CABIN1: variants seen among roughly 807,000 people sequenced by gnomAD.
CABIN1 encodes calcineurin-binding protein cabin-1.
In CABIN1, 133 loss-of-function variants were observed where a neutral mutation model predicts 227.7. The observed-to-expected ratio is 0.58, with a 90% CI of 0.51 to 0.67. The LOEUF (loss-of-function observed/expected upper bound fraction) is 0.67. CABIN1 is among the 30% of genes least tolerant of loss of function. The probability of loss-of-function intolerance (pLI) is 0.00; values close to 1 mark genes in which losing one functional copy is unlikely to be tolerated. For missense variants in CABIN1, 2,408 were observed against 2,852.5 expected (o/e 0.84, Z 3.55); for synonymous variants, 1,086 against 1,155.1 (o/e 0.94, Z 1.21).
intron 12 of CABIN1, among the ~76,000 whole-genome samples, chr22:24,060,879 G>A (rs1453750484): frequency 1.3e-5 from 2 of 152,024 alleles, no homozygotes; most frequent in Non-Finnish European, 2.9e-5. Flanking sequence ...CAGCCTAGGC[G>A]ACAAGGCGAG....
At chr22:24,068,859 T>C (rs907839619) in intron 16 of CABIN1, among the ~76,000 whole-genome samples, 1 of 152,202 alleles carries the variant, frequency 6.6e-6, no homozygotes, top group Non-Finnish European at 1.5e-5. Flanking sequence ...AGTGGAGAAA[T>C]ATTCATCCAT....
intron 23 of CABIN1, among the ~76,000 whole-genome samples, chr22:24,088,128 T>C (rs952335218): frequency 6.6e-6 from 1 of 152,172 alleles, no homozygotes; most frequent in African/African-American, 2.4e-5. Context: ...TAGTGCAGGA[T>C]ACTGAGTCTG....
intron 1 of CABIN1, among the ~76,000 whole-genome samples, chr22:24,013,471 A>G (rs2146358779): frequency 6.6e-6 from 1 of 152,332 alleles, no homozygotes; most frequent in Admixed American, 6.5e-5. Flanking sequence ...TGCTGGGATT[A>G]TAGGCGTGAG....
intron 18 of CABIN1, among the ~76,000 whole-genome samples, chr22:24,074,261 TA>T (rs1367647063): frequency 6.6e-6 from 1 of 151,888 alleles, no homozygotes; most frequent in African/African-American, 2.4e-5. Context: ...TGCCAGCAAG[TA>T]AATGCGGATA....
At chr22:24,116,599 G>A (rs1052297119) in intron 27 of CABIN1, among the ~76,000 whole-genome samples, 1 of 152,238 alleles carries the variant, frequency 6.6e-6, no homozygotes, top group African/African-American at 2.4e-5. Flanking sequence ...TAGAGTTTGA[G>A]TAAGACGATC....
At chr22:24,068,760 TG>T in intron 16 of CABIN1, among the ~76,000 whole-genome samples, 1 of 152,388 alleles carries the variant, frequency 6.6e-6, no homozygotes, top group Non-Finnish European at 1.5e-5. Context: ...ATTTTTATGC[TG>T]TCACATCTTT....
intron 28 of CABIN1, among the ~76,000 whole-genome samples, chr22:24,126,737 G>A (rs558054024): frequency 4.5e-4 from 69 of 152,278 alleles, no homozygotes; most frequent in African/African-American, 1.6e-3. Context: ...GGTGGCTCCC[G>A]CCTGTAATCC....
chr22:24,139,427 G>T (rs993421353), intron 29 of CABIN1, among the ~76,000 whole-genome samples: 6 of 152,260 alleles, frequency 3.9e-5, no homozygotes, highest in East Asian at 3.9e-4. Flanking sequence ...TTAGCCGGGC[G>T]TGGTGGTGCA....
intron 29 of CABIN1, chr22:24,156,039 C>T (rs1015916701): frequency 9.0e-6 from 5 of 557,724 alleles, no homozygotes; most frequent in African/African-American, 8.0e-5. Context: ...GGCGCTCGCC[C>T]TAGCTCCACT....
At chr22:24,098,258 C>T (rs373317044) in intron 26 of CABIN1, 66 bp downstream of exon 26, 20 of 1,610,996 alleles carry the variant, frequency 1.2e-5, no homozygotes, top group South Asian at 5.5e-5. Context: ...GGTGCTCGGA[C>T]GACTCATTTT....
intron 29 of CABIN1, 148 bp from the exon 30 acceptor site, chr22:24,164,252 T>G (rs1337697865): frequency 1.1e-6 from 1 of 929,970 alleles, no homozygotes; most frequent in Admixed American, 1.8e-5. Flanking sequence ...TTCTGTCTCC[T>G]TGGGACAGTG....
chr22:24,166,779 G>A lies in CABIN1; in HGVS notation c.5148G>A (p.Gly1716=), dbSNP rs1236766714. The change falls in exon 32 of 37, where the codon GGG becomes GGA. Residue 1716 remains glycine (G), a synonymous_variant. Transcript: ENST00000263119. ...AGCCCCCTCTGGCTGATGGCTCAGG[G>A]CCAGGGCCCGAGCCAGGAGGCAAAG... The part of the protein sequence containing the change: ...PKKPPLADGS[G]PGPEPGGKVG... 6.2e-7 allele frequency: 1 copy of A among 1,612,970 alleles called. No homozygotes were observed. Among genetic ancestry groups the A allele is most frequent in the Admixed American group, 1.7e-5 (1 of 60,026 alleles).
Position 24,050,965 on chromosome 22 carries a change from C to T in CABIN1, c.797C>T (p.Pro266Leu). The T allele has an allele frequency of 6.2e-7, 1 of 1,614,186 alleles. No individual in the cohort carries two copies. The part of the protein sequence containing the change: ...EPDLKLVQPI[P>L]FFTWKCLGES... ...GACCTGAAACTTGTGCAGCCCATTC[C>T]TTTCTTCACGTAGGTTGTCTAGCGT... The change falls in exon 8 of 37, where the codon CCT (proline) becomes CTT (leucine). Residue 266 changes from proline to leucine, a missense_variant. Coordinates refer to ENST00000263119, the MANE Select transcript of CABIN1 (RefSeq NM_012295.4).
rs776489370 is a variant in CABIN1 at position 24,036,209 on chromosome 22, G to A, written c.96+28G>A. The A allele has an allele frequency of 2.7e-6, 4 of 1,474,296 alleles. No individual in the cohort carries two copies. In the South Asian group the frequency reaches 4.5e-5, roughly 17 times the overall value. The allele number at this position is 1,474,296 out of a possible 1,614,324, so 91.3% of individuals were successfully genotyped here. The stretch of plus-strand genomic sequence containing the variant: ...ACGTAATGCGAGGTCTTCTCTGTAG[G>A]TGGACCTTCTCATTTCTATAGAGGG... On this transcript the variant is annotated intron_variant, in intron 3 of 36. Coordinates refer to ENST00000263119, the MANE Select transcript of CABIN1 (RefSeq NM_012295.4).
At chr22:24,029,262 G>A (rs973663214) in intron 1 of CABIN1, among the ~76,000 whole-genome samples, 2 of 152,196 alleles carry the variant, frequency 1.3e-5, no homozygotes, top group Non-Finnish European at 2.9e-5. Context: ...GCTGAGACAT[G>A]AGAATCACTT....
intron 1 of CABIN1, among the ~76,000 whole-genome samples, chr22:24,017,039 CTTT>C (rs767688741): frequency 8.2e-6 from 1 of 122,224 alleles, no homozygotes. Flanking sequence ...TACAATTTAT[CTTT>C]TTTTTTTTTT....
intron 26 of CABIN1, among the ~76,000 whole-genome samples, chr22:24,098,958 G>A (rs1162291798): frequency 6.6e-6 from 1 of 152,162 alleles, no homozygotes; most frequent in Non-Finnish European, 1.5e-5. Flanking sequence ...TCTCATCTGG[G>A]CTTGGGGAAA....
chr22:24,067,318 C>CA, intron 16 of CABIN1, 137 bp downstream of exon 16: 1 of 903,860 alleles, frequency 1.1e-6, no homozygotes, highest in Non-Finnish European at 1.8e-6. Flanking sequence ...ACTAAGCCCC[C>CA]AGGAAGATGT....
At chr22:24,169,802 A>AC (rs763658336) in intron 33 of CABIN1, among the ~76,000 whole-genome samples, 148 of 151,418 alleles carry the variant, frequency 9.8e-4, no homozygotes, top group African/African-American at 3.1e-3. Flanking sequence ...CACACAGGAA[A>AC]CCCCCCCACA....
Sources: allele counts gnomAD v4.1 joint callset (sites outside exome capture counted in the v4.1 genomes callset), GRCh38; gene constraint gnomAD v4.1.1; transcripts MANE v1.5; gene names NCBI Gene and HGNC (gene_info 2026-07-23, HGNC 2026-07-21).